The following PLCZ1 variants were observed in gnomAD, a reference collection of about 807,000 sequenced individuals.
PLCZ1 encodes the protein 1-phosphatidylinositol 4,5-bisphosphate phosphodiesterase zeta-1.
In PLCZ1, 64 loss-of-function variants were observed where a neutral mutation model predicts 76.8. The observed-to-expected ratio is 0.83, with a 90% confidence interval of 0.68 to 1.03. The LOEUF (loss-of-function observed/expected upper bound fraction) is 1.03, where lower values mean the gene tolerates loss of function less well. PLCZ1 is among the 50% of genes least tolerant of loss of function. PLCZ1 has a pLI of 0.00. For synonymous variants in PLCZ1, 248 were observed against 230.8 expected (o/e 1.07, Z -0.68); for missense variants, 751 against 713.7 (o/e 1.05, Z -0.60).
Position 18,683,228 on chromosome 12 carries a change from A to G in PLCZ1, c.*11T>C. 3 of 1,610,230 alleles carry G rather than the reference A, an allele frequency of 1.9e-6. No homozygotes were observed. In the South Asian group the frequency reaches 3.3e-5, roughly 18 times the overall value. ...ATGCATAGCTAATGATATGTCATTT[A>G]TCATTAGCTGTTATCTGACGTACCA... is the stretch of plus-strand genomic sequence containing the variant. On this transcript the variant is annotated 3_prime_UTR_variant, in exon 15 of 15. Coordinates refer to ENST00000266505, the MANE Select transcript of PLCZ1 (RefSeq NM_033123.4).
the PLCZ1 span, among the ~76,000 whole-genome samples, chr12:18,659,218 T>C: frequency 2.0e-5 from 3 of 152,172 alleles, no homozygotes; most frequent in African/African-American, 7.2e-5. Flanking sequence ...CTTTAGGCAC[T>C]AAATAACCAC....
the PLCZ1 span, chr12:18,648,361 AT>A: frequency 4.4e-6 from 1 of 224,922 alleles, no homozygotes; most frequent in Non-Finnish European, 8.8e-6. Flanking sequence ...TAAAAGCAGT[AT>A]TTTTAATGTA....
At chr12:18,737,592 A>G (rs1959522811) in intron 1 of PLCZ1, 83 bp from the exon 2 acceptor site, 2 of 675,146 alleles carry the variant, frequency 3.0e-6, no homozygotes, top group Non-Finnish European at 5.3e-6. Flanking sequence ...TAGAAACAGT[A>G]TGCAAGATGT....
In PLCZ1 at chr12:18,699,830, C is replaced by T. The variant is rs1955647020; in HGVS notation, c.1138G>A (p.Gly380Arg). ...YQQFNENNSI[G>R]ETQARKLSKL... The stretch of plus-strand genomic sequence containing the variant: ...GAAAGTTTTCGGGCTTGTGTCTCCC[C>T]AATAGAATTATTTTCATTAAATTGC... The change falls in exon 10 of 15, where the codon GGG becomes AGG. Residue 380 changes from glycine (G) to arginine (R), a missense_variant. Gly to Arg is a moderately radical substitution (Grantham distance 125, BLOSUM62 -2). Transcript: ENST00000266505. 6.2e-7 allele frequency: 1 copy of T among 1,613,356 alleles called. No homozygotes were observed. Among genetic ancestry groups the T allele is most frequent in the Non-Finnish European group, 8.5e-7 (1 of 1,179,694 alleles).
At chr12:18,730,249 T>A (rs1318895689) in intron 3 of PLCZ1, among the ~76,000 whole-genome samples, 5 of 150,792 alleles carry the variant, frequency 3.3e-5, no homozygotes, top group African/African-American at 1.2e-4. Flanking sequence ...TGAGAAAAAA[T>A]TAGCAACAAG....
At chr12:18,662,617 T>C in the PLCZ1 span, among the ~76,000 whole-genome samples, 1 of 152,158 alleles carries the variant, frequency 6.6e-6, no homozygotes, top group Non-Finnish European at 1.5e-5. Flanking sequence ...GTTTTCTACA[T>C]TATTTAAGAT....
At chr12:18,705,041 C>A (rs1956431029) in intron 7 of PLCZ1, 125 bp downstream of exon 7, 3 of 1,200,064 alleles carry the variant, frequency 2.5e-6, no homozygotes, top group Admixed American at 3.5e-5. Context: ...CAAAAATAAA[C>A]CTCTATACGT....
At chr12:18,700,899 G>A (rs1303068316) in intron 9 of PLCZ1, among the ~76,000 whole-genome samples, 2 of 152,148 alleles carry the variant, frequency 1.3e-5, no homozygotes, top group African/African-American at 4.8e-5. Context: ...TGGGACCAGG[G>A]AAATTACGTT....
chr12:18,670,033 AC>A, the PLCZ1 span, among the ~76,000 whole-genome samples: 3 of 151,838 alleles, frequency 2.0e-5, no homozygotes, highest in African/African-American at 7.3e-5. Context: ...CTTAATTTAA[AC>A]CTAATTACCT....
At chr12:18,737,229 A>G in intron 2 of PLCZ1, 132 bp downstream of exon 2, 1 of 967,118 alleles carries the variant, frequency 1.0e-6, no homozygotes, top group Non-Finnish European at 1.6e-6. Context: ...CTCAGAACAA[A>G]CAGGGAAAAG....
chr12:18,671,314 T>G, the PLCZ1 span, among the ~76,000 whole-genome samples: 1 of 152,162 alleles, frequency 6.6e-6, no homozygotes, highest in South Asian at 2.1e-4. Context: ...AGAGAAGATA[T>G]TGGGATTTTT....
At chr12:18,668,876 T>C in the PLCZ1 span, among the ~76,000 whole-genome samples, 1 of 152,124 alleles carries the variant, frequency 6.6e-6, no homozygotes, top group Non-Finnish European at 1.5e-5. Flanking sequence ...AAAATTCTGA[T>C]GGATCTTTTT....
chr12:18,700,173 T>G (rs1317564454), intron 9 of PLCZ1, among the ~76,000 whole-genome samples: 3 of 152,120 alleles, frequency 2.0e-5, no homozygotes, highest in Non-Finnish European at 4.4e-5. Flanking sequence ...ATTAATGTAA[T>G]AAGTATTGAG....
At chr12:18,672,286 C>A in the PLCZ1 span, among the ~76,000 whole-genome samples, 1 of 152,026 alleles carries the variant, frequency 6.6e-6, no homozygotes, top group Non-Finnish European at 1.5e-5. Context: ...ATTCTCAGCA[C>A]CTCTATTACT....
At chr12:18,680,870 G>A (rs945818561), downstream of PLCZ1, among the ~76,000 whole-genome samples, 2 of 152,046 alleles carry the variant, frequency 1.3e-5, no homozygotes, top group Non-Finnish European at 2.9e-5. Context: ...GTCAAGAACA[G>A]GGGTCAATTC....
chr12:18,700,164 TTAATG>T (rs1306106592), intron 9 of PLCZ1, among the ~76,000 whole-genome samples: 1 of 152,154 alleles, frequency 6.6e-6, no homozygotes, highest in Non-Finnish European at 1.5e-5. Context: ...AAAATCATGA[TTAATG>T]TAATAAGTAT....
intron 3 of PLCZ1, among the ~76,000 whole-genome samples, chr12:18,726,586 T>C (rs1958763041): frequency 6.6e-6 from 1 of 152,176 alleles, no homozygotes; most frequent in Non-Finnish European, 1.5e-5. Context: ...ATTCTATTGA[T>C]TGTCATTCTG....
chr12:18,714,387 AAAACATGTTTGACAT>A, intron 5 of PLCZ1, among the ~76,000 whole-genome samples: 1 of 152,310 alleles, frequency 6.6e-6, no homozygotes, highest in East Asian at 1.9e-4. Context: ...TTCAGTCCAT[AAAACATGTTTGACAT>A]AAACTGACTG....
chr12:18,736,617 C>T, intron 2 of PLCZ1: 1 of 1,297,614 alleles, frequency 7.7e-7, no homozygotes, highest in Admixed American at 2.4e-5. Flanking sequence ...TTAGAACATA[C>T]ATTAAAACAT....
Sources: gnomAD v4.1 joint callset for allele counts (sites outside exome capture counted in the v4.1 genomes callset) on GRCh38, gnomAD v4.1.1 for gene constraint, MANE v1.5 for transcripts, NCBI Gene and HGNC (gene_info 2026-07-23, HGNC 2026-07-21) for gene names.